RALGAPA2: variants seen among roughly 807,000 people sequenced by gnomAD.
The protein encoded by RALGAPA2 is Ral GTPase activating protein catalytic subunit alpha 2.
A neutral mutation model predicts 230.4 loss-of-function variants in RALGAPA2; 139 were observed. The observed-to-expected ratio is 0.60, with a 90% CI of 0.53 to 0.69. RALGAPA2 has a LOEUF of 0.69. RALGAPA2 is among the 30% of genes least tolerant of loss of function. The pLI is 0.00. For missense variants in RALGAPA2, 2,163 were observed against 2,276.0 expected, an observed-to-expected ratio of 0.95 and a Z score of 1.01; for synonymous variants, 847 against 837.8, an observed-to-expected ratio of 1.01 and a Z score of -0.19.
At chr20:20,649,439 C>T (rs559680154) in intron 4 of RALGAPA2, among the ~76,000 whole-genome samples, 1 of 152,044 alleles carries the variant, frequency 6.6e-6, no homozygotes, top group South Asian at 2.1e-4. Flanking sequence ...ACTTAAAAAG[C>T]AAAAAACAAA....
rs548950661 is a variant in RALGAPA2, at chr20:20,472,957, C to T, written c.5368-1G>A. The T allele has an allele frequency of 6.3e-7, 1 of 1,591,402 alleles. No individual in the cohort carries two copies. The highest frequency in any genetic ancestry group is 2.2e-5 in the East Asian group (1 of 44,728). On this transcript the variant is annotated splice_acceptor_variant, in intron 36 of 39. Transcript: ENST00000202677. LOFTEE classifies it high-confidence loss of function. ...CAAACAGAGGCCCAAAAAATGGAAC[C>T]TGTTGATTTGAAATGGAAAAACAAA...
At chr20:20,419,318 TA>T (rs1489021304) in intron 37 of RALGAPA2, among the ~76,000 whole-genome samples, 3 of 152,194 alleles carry the variant, frequency 2.0e-5, no homozygotes, top group African/African-American at 4.8e-5. Context: ...GAAACAGCAC[TA>T]ATCAAATGAA....
intron 3 of RALGAPA2, among the ~76,000 whole-genome samples, chr20:20,665,466 G>A (rs1412002471): frequency 6.6e-6 from 1 of 152,166 alleles, no homozygotes; most frequent in Non-Finnish European, 1.5e-5. Context: ...CTTCCTCCAA[G>A]GTGAACTGAG....
intron 37 of RALGAPA2, among the ~76,000 whole-genome samples, chr20:20,450,177 G>A (rs146336619): frequency 1.3e-5 from 2 of 152,282 alleles, no homozygotes; most frequent in Non-Finnish European, 1.5e-5. Flanking sequence ...ATGGAACTGC[G>A]TCCTCAACTA....
At chr20:20,672,639 C>T (rs1024281563) in intron 3 of RALGAPA2, among the ~76,000 whole-genome samples, 6 of 151,714 alleles carry the variant, frequency 4.0e-5, no homozygotes, top group Non-Finnish European at 7.4e-5. Flanking sequence ...AAACAGATTG[C>T]GGGAGGAGAA....
intron 36 of RALGAPA2, among the ~76,000 whole-genome samples, chr20:20,486,716 C>G (rs968212744): frequency 7.2e-5 from 11 of 152,162 alleles, no homozygotes; most frequent in African/African-American, 2.7e-4. Flanking sequence ...GTTGTTACAT[C>G]TTTTGTGATT....
intron 36 of RALGAPA2, among the ~76,000 whole-genome samples, chr20:20,491,569 C>T (rs193020139): frequency 6.6e-6 from 1 of 152,314 alleles, no homozygotes; most frequent in East Asian, 1.9e-4. Context: ...CACGGGTACT[C>T]ACTGCAGTGT....
rs1340426376 is a variant in RALGAPA2 at position 20,616,066 on chromosome 20, C to T, written c.1665G>A (p.Glu555=). The change falls in exon 13 of 40, where the codon GAG becomes GAA. Residue 555 remains glutamate (E), a synonymous_variant. Coordinates refer to ENST00000202677, the MANE Select transcript of RALGAPA2 (RefSeq NM_020343.4). ...VLIIFRRMIM[E]LTMNKKTWEQ... ...ACCATGTCTTTTTATTCATTGTAAG[C>T]TCCATTATCATGCGCCTAAAAATAA... 2 of 1,537,212 alleles carry T rather than the reference C, an allele frequency of 1.3e-6. No homozygotes were observed. Among genetic ancestry groups the T allele is most frequent in the Middle Eastern group, 3.5e-4 (2 of 5,728 alleles).
At chr20:20,489,444 C>T (rs142928450) in intron 36 of RALGAPA2, among the ~76,000 whole-genome samples, 370 of 151,882 alleles carry the variant, frequency 2.4e-3, no homozygotes, top group African/African-American at 8.8e-3. Flanking sequence ...TTTAGTAACA[C>T]CACACTTCAA....
At chr20:20,449,600 T>C (rs1401312157) in intron 37 of RALGAPA2, among the ~76,000 whole-genome samples, 1 of 152,212 alleles carries the variant, frequency 6.6e-6, no homozygotes, top group Non-Finnish European at 1.5e-5. Flanking sequence ...CTTTCCCCTG[T>C]CACTAATTAA....
intron 23 of RALGAPA2, among the ~76,000 whole-genome samples, chr20:20,547,542 G>C (rs2063807116): frequency 6.6e-6 from 1 of 152,222 alleles, no homozygotes; most frequent in Non-Finnish European, 1.5e-5. Flanking sequence ...GTCTGAAGCA[G>C]ATATCTAATT....
In RALGAPA2 at chr20:20,536,783, G is replaced by A. The variant is rs368408090; in HGVS notation, c.3287C>T (p.Ala1096Val). The change falls in exon 25 of 40, where the codon GCG becomes GTG. Residue 1096 changes from alanine to valine, a missense_variant and splice_region_variant. By Grantham distance (64) the Ala-to-Val change is moderately conservative. Transcript: ENST00000202677. The stretch of plus-strand genomic sequence containing the variant: ...GACAGTGACAGCCTCTGAACGAGGC[G>A]CCTGCACATAAGGAAGAGGAGCACA... ...ARVLSTDILT[A>V]PRSEAVTVLG... is the part of the protein sequence containing the mutation. 20 of 1,610,672 alleles carry A rather than the reference G, an allele frequency of 1.2e-5. No individual in the cohort carries two copies. Among genetic ancestry groups the A allele is most frequent in the East Asian group, 4.5e-5 (2 of 44,778 alleles).
At chr20:20,559,393 G>A (rs151266843) in intron 23 of RALGAPA2, among the ~76,000 whole-genome samples, 6 of 152,186 alleles carry the variant, frequency 3.9e-5, no homozygotes, top group South Asian at 2.1e-4. Context: ...CAATCCCAAC[G>A]GAAGCCAGCT....
chr20:20,471,835 A>G lies in RALGAPA2; in HGVS notation c.5495+994T>C, dbSNP rs2061549123. The G allele has an allele frequency of 2.6e-5, 4 of 152,340 alleles. No individual in the cohort carries two copies. In the South Asian group the frequency reaches 8.3e-4, roughly 32 times the overall value. 9.4% of individuals were successfully genotyped at this position (152,340 alleles called of 1,614,324 possible). ...TTTTTTTTTAATCTAAAGGCAGAAT[A>G]TCAGTCAATGAAGTGACCAGGATTT... is the stretch of plus-strand genomic sequence containing the variant. On this transcript the variant is annotated intron_variant, in intron 37 of 39. Transcript: ENST00000202677.
intron 24 of RALGAPA2, among the ~76,000 whole-genome samples, chr20:20,537,132 T>C (rs1202772616): frequency 6.6e-6 from 1 of 152,202 alleles, no homozygotes; most frequent in Non-Finnish European, 1.5e-5. Context: ...ACCATTTTGC[T>C]GTTAAGAACA....
chr20:20,487,098 A>G (rs1365109556), intron 36 of RALGAPA2, among the ~76,000 whole-genome samples: 2 of 152,160 alleles, frequency 1.3e-5, no homozygotes, highest in African/African-American at 2.4e-5. Flanking sequence ...GTCTCTTAGA[A>G]TTGTTTATTT....
At chr20:20,409,643 A>G (rs1003730829) in intron 38 of RALGAPA2, among the ~76,000 whole-genome samples, 1 of 152,242 alleles carries the variant, frequency 6.6e-6, no homozygotes, top group Admixed American at 6.5e-5. Flanking sequence ...TCCCAAGAAC[A>G]TAACAGTGTA....
At chr20:20,571,822 A>G in intron 22 of RALGAPA2, 26 bp downstream of exon 22, 2 of 1,566,394 alleles carry the variant, frequency 1.3e-6, no homozygotes, top group South Asian at 2.3e-5. Flanking sequence ...AAATCGCAAT[A>G]AAGGAATAAA....
At chr20:20,433,479 C>T (rs2060540592) in intron 37 of RALGAPA2, among the ~76,000 whole-genome samples, 1 of 152,144 alleles carries the variant, frequency 6.6e-6, no homozygotes, top group African/African-American at 2.4e-5. Context: ...AGGCTGCTAG[C>T]CTGTGAGAAA....
Sources: allele counts gnomAD v4.1 joint callset (sites outside exome capture counted in the v4.1 genomes callset), GRCh38; gene constraint gnomAD v4.1.1; transcripts MANE v1.5; gene names NCBI Gene and HGNC (gene_info 2026-07-23, HGNC 2026-07-21).